CRISP1: variants seen among roughly 807,000 people sequenced by gnomAD.
CRISP1 encodes cysteine-rich secretory protein 1.
Under a neutral mutation model 33.1 loss-of-function variants are expected in CRISP1, and 44 were observed. The observed-to-expected ratio is 1.33, with a 90% CI of 1.05 to 1.71. The LOEUF is 1.71. Ranked by LOEUF, CRISP1 falls within the 40% of genes most tolerant of loss-of-function variation. The pLI, the probability that CRISP1 is intolerant of heterozygous loss-of-function variation, is 0.00. For synonymous variants in CRISP1, 103 were observed against 98.7 expected (o/e 1.04, Z -0.26); for missense variants, 390 against 301.2 (o/e 1.29, Z -2.18).
At chr6:49,839,259 A>T (rs1416455888) in intron 6 of CRISP1, among the ~76,000 whole-genome samples, 1 of 121,630 alleles carries the variant, frequency 8.2e-6, no homozygotes, top group African/African-American at 3.1e-5. Context: ...AAAAAAAAGC[A>T]TCTTCATATC....
intron 1 of CRISP1, among the ~76,000 whole-genome samples, chr6:49,864,564 AT>A (rs1266113873): frequency 1.3e-5 from 2 of 151,994 alleles, no homozygotes; most frequent in Non-Finnish European, 2.9e-5. Flanking sequence ...ACCCTCACCT[AT>A]TATTTGTATT....
At chr6:49,838,071 G>A (rs570339583) in intron 7 of CRISP1, among the ~76,000 whole-genome samples, 9 of 152,254 alleles carry the variant, frequency 5.9e-5, no homozygotes, top group South Asian at 4.1e-4. Flanking sequence ...GGAGAACACC[G>A]GTAAACTGAA....
chr6:49,835,298 G>A lies in CRISP1; in HGVS notation c.*18C>T, dbSNP rs565113507. 76 of 1,612,968 alleles carry A rather than the reference G, an allele frequency of 4.7e-5. No individual in the cohort carries two copies. In the Middle Eastern group the frequency reaches 5.0e-4, roughly 11 times the overall value. ...CTCCTCATCGTCACAGCATAGAACA[G>A]TTGAAAATAACAAAGACCTATTTTA... is the stretch of plus-strand genomic sequence containing the variant. On this transcript the variant is annotated 3_prime_UTR_variant, in exon 8 of 8. Coordinates refer to ENST00000335847, the MANE Select transcript of CRISP1 (RefSeq NM_001131.3).
chr6:49,846,372 C>T, intron 5 of CRISP1, 148 bp downstream of exon 5: 1 of 796,852 alleles, frequency 1.3e-6, no homozygotes, highest in South Asian at 2.0e-5. Context: ...AGAACACTTC[C>T]TTCTATTTCA....
At chr6:49,838,568 A>T (rs1268188030) in intron 6 of CRISP1, 43 bp from the exon 7 acceptor site, 1 of 1,482,110 alleles carries the variant, frequency 6.7e-7, no homozygotes, top group Non-Finnish European at 9.3e-7. Context: ...ATCTTTGAAA[A>T]ACTCACATAA....
At chr6:49,866,903 A>G (rs967954601), upstream of CRISP1, among the ~76,000 whole-genome samples, 24 of 152,156 alleles carry the variant, frequency 1.6e-4, no homozygotes, top group Non-Finnish European at 1.5e-5. Context: ...TGCTGAGGAT[A>G]CATAGAATCA....
chr6:49,875,442 A>G (rs1772015288), intron 1 of CRISP1, among the ~76,000 whole-genome samples: 1 of 152,166 alleles, frequency 6.6e-6, no homozygotes, highest in Admixed American at 6.6e-5. Flanking sequence ...ATGGATAGGA[A>G]GAATCGATAT....
chr6:49,871,344 T>A (rs2127479676), upstream of CRISP1, among the ~76,000 whole-genome samples: 1 of 152,164 alleles, frequency 6.6e-6, no homozygotes, highest in South Asian at 2.1e-4. Flanking sequence ...GACATAGTAA[T>A]GAGGACAAAG....
chr6:49,849,821 A>G (rs1771294605), intron 3 of CRISP1, among the ~76,000 whole-genome samples: 1 of 152,066 alleles, frequency 6.6e-6, no homozygotes, highest in Non-Finnish European at 1.5e-5. Flanking sequence ...GATGAATTAA[A>G]TAACTTATTA....
At chr6:49,866,560 C>G (rs528186609), upstream of CRISP1, 1 of 152,080 alleles carries the variant, frequency 6.6e-6, no homozygotes, top group East Asian at 1.9e-4. Context: ...AAGGTAAATG[C>G]CTATAACAGA....
intron 1 of CRISP1, among the ~76,000 whole-genome samples, chr6:49,861,438 G>A (rs371330027): frequency 6.6e-6 from 1 of 152,130 alleles, no homozygotes; most frequent in East Asian, 1.9e-4. Context: ...TGCAAGGATG[G>A]TTCAACATAT....
chr6:49,860,894 C>A (rs1771631141), intron 1 of CRISP1, among the ~76,000 whole-genome samples: 1 of 151,766 alleles, frequency 6.6e-6, no homozygotes, highest in Admixed American at 6.6e-5. Context: ...CCCAAATAAA[C>A]AAAATCAGAA....
At chr6:49,849,577 C>A (rs1378665299) in intron 3 of CRISP1, among the ~76,000 whole-genome samples, 1 of 152,146 alleles carries the variant, frequency 6.6e-6, no homozygotes, top group Non-Finnish European at 1.5e-5. Context: ...CATATACATC[C>A]ATTTAAAAGA....
At chr6:49,869,203 A>G (rs1457350970), upstream of CRISP1, among the ~76,000 whole-genome samples, 1 of 152,142 alleles carries the variant, frequency 6.6e-6, no homozygotes, top group African/African-American at 2.4e-5. Context: ...GGCTGCAGAC[A>G]TTTATATCTC....
chr6:49,848,210 T>C lies in CRISP1; in HGVS notation c.285A>G (p.Pro95=). Residue 95 remains proline (P), a splice_region_variant and synonymous_variant, in exon 4 of 8, where the codon CCA becomes CCG. Coordinates refer to ENST00000335847, the MANE Select transcript of CRISP1 (RefSeq NM_001131.3). ...TESNPLERRL[P]NTFCGENMHM... Reference sequence around the variant, plus strand: ...CGGGTCATATAGATACACACTTACTTGGAAGTCTCCTCTCAAGGGGGTTGC... The same window carrying C: ...CGGGTCATATAGATACACACTTACTCGGAAGTCTCCTCTCAAGGGGGTTGC... 6.3e-7 allele frequency: 1 copy of C among 1,575,202 alleles called. No homozygotes were observed. Among genetic ancestry groups the C allele is most frequent in the Non-Finnish European group, 8.6e-7 (1 of 1,162,978 alleles).
chr6:49,850,693 A>G (rs1243254014), intron 3 of CRISP1, among the ~76,000 whole-genome samples: 2 of 151,864 alleles, frequency 1.3e-5, no homozygotes, highest in Non-Finnish European at 2.9e-5. Flanking sequence ...TTGATATTTC[A>G]TATCTTTTTG....
intron 7 of CRISP1, 51 bp downstream of exon 7, chr6:49,838,386 T>C (rs887349481): frequency 1.6e-6 from 2 of 1,282,726 alleles, no homozygotes; most frequent in Non-Finnish European, 2.2e-6. Context: ...GGATGTATGG[T>C]TCCCAGATCA....
intron 1 of CRISP1, among the ~76,000 whole-genome samples, chr6:49,862,665 G>T (rs145969103): frequency 5.2e-4 from 79 of 152,190 alleles, no homozygotes; most frequent in African/African-American, 1.7e-3. Context: ...CATATCCAAT[G>T]AATTCTGGTT....
intron 2 of CRISP1, among the ~76,000 whole-genome samples, chr6:49,853,403 C>T (rs1355113764): frequency 2.6e-5 from 4 of 152,170 alleles, no homozygotes; most frequent in Non-Finnish European, 5.9e-5. Flanking sequence ...ATCTTTTCCA[C>T]CCAGATTTCT....
Sources: gnomAD v4.1 joint callset for allele counts (sites outside exome capture counted in the v4.1 genomes callset) on GRCh38, gnomAD v4.1.1 for gene constraint, MANE v1.5 for transcripts, NCBI Gene and HGNC (gene_info 2026-07-23, HGNC 2026-07-21) for gene names.